RTCA: variants seen among roughly 807,000 people sequenced by gnomAD.
RTCA encodes the protein RNA terminal phosphate cyclase domain 1.
RTCA carries 37 observed loss-of-function variants against 46.1 expected under a neutral mutation model. That is an observed-to-expected ratio of 0.80 (90% CI 0.62 to 1.06). RTCA has a LOEUF of 1.06. RTCA is among the 50% of genes least tolerant of loss of function. The pLI is 0.00. For synonymous variants in RTCA, 164 were observed against 158.3 expected, an observed-to-expected ratio of 1.04 and a Z score of -0.27; for missense variants, 435 against 455.5, an observed-to-expected ratio of 0.95 and a Z score of 0.41.
At position 100,282,817 on chromosome 1, in the gene RTCA, A is replaced by G. The variant is rs149057729; in HGVS notation, c.800-2411A>G. 2.8e-4 allele frequency among the ~76,000 whole-genome samples: 43 copies of G among 152,278 alleles called. 1 individual carries two copies. Among genetic ancestry groups the G allele is most frequent in the South Asian group, 4.1e-4 (2 of 4,828 alleles). ...TAATGAATTTCAGGTTTGTTTATTT[A>G]TTTATTGAGATGGGAGTCTTACTCT... On this transcript the variant is annotated intron_variant, in intron 8 of 10. Coordinates refer to ENST00000370128, the MANE Select transcript of RTCA (RefSeq NM_003729.4).
intron 10 of RTCA, among the ~76,000 whole-genome samples, chr1:100,289,838 C>T (rs1335743217): frequency 1.3e-5 from 2 of 152,158 alleles, no homozygotes; most frequent in Admixed American, 6.5e-5. Context: ...TGTCTCAATG[C>T]AAATAGTTAT....
chr1:100,279,431 G>T (rs898462580), intron 8 of RTCA, among the ~76,000 whole-genome samples: 1 of 152,166 alleles, frequency 6.6e-6, no homozygotes, highest in African/African-American at 2.4e-5. Context: ...GTAAATAGAA[G>T]TTAGCTGGAT....
At chr1:100,290,169 C>A (rs987314077) in intron 10 of RTCA, among the ~76,000 whole-genome samples, 2 of 152,102 alleles carry the variant, frequency 1.3e-5, no homozygotes, top group African/African-American at 4.8e-5. Context: ...CAGTAAGGCC[C>A]CCAAGTGATG....
chr1:100,275,578 T>G (rs778595697), intron 6 of RTCA, 21 bp from the exon 7 acceptor site: 31 of 1,573,606 alleles, frequency 2.0e-5, no homozygotes, highest in Non-Finnish European at 2.4e-5. Context: ...TTTATTCTAT[T>G]TTTCTGTCTT....
intron 7 of RTCA, among the ~76,000 whole-genome samples, chr1:100,276,702 G>C (rs1666405081): frequency 1.3e-5 from 2 of 152,084 alleles, no homozygotes; most frequent in Admixed American, 6.6e-5. Context: ...GAACTATTAT[G>C]TTAATTCAGT....
rs766661407 is a variant in RTCA, at chr1:100,266,510, C to T, written c.46-14C>T. The T allele has an allele frequency of 1.6e-5, 26 of 1,612,140 alleles. No homozygotes were observed. Among genetic ancestry groups the T allele is most frequent in the East Asian group, 2.2e-5 (1 of 44,826 alleles). ...GTGCTTACTTCTCTTCTCCCTGTAC[C>T]CCAACCTTTGCAGGGCGGCCAGATC... On this transcript the variant is annotated splice_polypyrimidine_tract_variant and intron_variant, in intron 1 of 10. Coordinates refer to ENST00000370128, the MANE Select transcript of RTCA (RefSeq NM_003729.4).
chr1:100,275,635 A>C lies in RTCA; in HGVS notation c.652A>C (p.Ile218Leu). The change falls in exon 7 of 11, where the codon ATC becomes CTC. Residue 218 changes from isoleucine (I) to leucine (L), a missense_variant. Transcript: ENST00000370128. The stretch of plus-strand genomic sequence containing the variant: ...TATGGCAGCGGCAGCAGTTAGATGC[A>C]TCAGAAAGGAGATCCGGGATTTGTA... Reference protein sequence around the residue: ...KDMAAAAVRCIRKEIRDLYVN... With the variant: ...KDMAAAAVRCLRKEIRDLYVN... 1.2e-6 allele frequency: 2 copies of C among 1,612,340 alleles called. No individual in the cohort carries two copies. Among genetic ancestry groups the C allele is most frequent in the Non-Finnish European group, 1.7e-6 (2 of 1,179,136 alleles).
intron 4 of RTCA, among the ~76,000 whole-genome samples, chr1:100,271,615 T>G (rs1176498180): frequency 6.6e-6 from 1 of 152,180 alleles, no homozygotes; most frequent in African/African-American, 2.4e-5. Context: ...ATTTAAAAAA[T>G]GATTTAAAAA....
intron 8 of RTCA, among the ~76,000 whole-genome samples, chr1:100,281,757 C>T (rs936867085): frequency 2.6e-5 from 4 of 151,680 alleles, no homozygotes; most frequent in African/African-American, 7.3e-5. Flanking sequence ...TGCTTTGTCG[C>T]CCAGGCTAGA....
At chr1:100,288,936 C>T (rs1412057691) in intron 10 of RTCA, among the ~76,000 whole-genome samples, 2 of 152,014 alleles carry the variant, frequency 1.3e-5, no homozygotes, top group Non-Finnish European at 2.9e-5. Context: ...AATTCTCATG[C>T]CTCAGCCTCC....
intron 4 of RTCA, 91 bp from the exon 5 acceptor site, chr1:100,273,303 C>A (rs1259104425): frequency 7.8e-6 from 6 of 765,546 alleles, no homozygotes; most frequent in Non-Finnish European, 1.3e-5. Context: ...CACCCAGTTA[C>A]TAGCCAGCAA....
intron 2 of RTCA, chr1:100,267,504 G>T: frequency 6.5e-7 from 1 of 1,544,296 alleles, no homozygotes. Flanking sequence ...TCACAGTTCT[G>T]GAGGCTGGAA....
At chr1:100,288,439 C>T (rs1667150801) in intron 10 of RTCA, among the ~76,000 whole-genome samples, 2 of 152,090 alleles carry the variant, frequency 1.3e-5, no homozygotes, top group Non-Finnish European at 2.9e-5. Context: ...GAGACAGGGT[C>T]TCACACTGTT....
chr1:100,277,182 T>G, intron 7 of RTCA, 76 bp from the exon 8 acceptor site: 2 of 1,344,380 alleles, frequency 1.5e-6, no homozygotes, highest in Non-Finnish European at 2.1e-6. Context: ...TTAATAGTCA[T>G]TGTTCTCTTT....
chr1:100,266,276 A>G lies in RTCA; in HGVS notation c.-100A>G. ...GTCAGGCTCCTGCGCCCCAGGCATG[A>G]ACCAAGGTTTCTGAACTACTGGGCG... is the stretch of plus-strand genomic sequence containing the variant. On this transcript the variant is annotated 5_prime_UTR_variant, in exon 1 of 11. Transcript: ENST00000370128. 6.8e-7 allele frequency: 1 copy of G among 1,468,970 alleles called. No individual in the cohort carries two copies. The highest frequency in any genetic ancestry group is 9.3e-7 in the Non-Finnish European group (1 of 1,076,490). 91.0% of individuals were successfully genotyped at this position (1,468,970 alleles called of 1,614,324 possible). A position where few individuals can be genotyped will look rare whatever the true frequency, so the allele number is the denominator to read the frequency against.
At chr1:100,283,518 T>A (rs1331763225) in intron 8 of RTCA, among the ~76,000 whole-genome samples, 1 of 152,142 alleles carries the variant, frequency 6.6e-6, no homozygotes, top group Non-Finnish European at 1.5e-5. Context: ...GTCCCAAGCA[T>A]TTCAGATAAG....
chr1:100,280,172 A>G (rs530067047), intron 8 of RTCA, among the ~76,000 whole-genome samples: 1 of 152,340 alleles, frequency 6.6e-6, no homozygotes, highest in Non-Finnish European at 1.5e-5. Flanking sequence ...GGCAGTGTAA[A>G]GTATGACCTT....
In RTCA at chr1:100,274,900, A is replaced by G; in HGVS notation, c.550A>G (p.Thr184Ala). Residue 184 changes from threonine (T) to alanine (A), a missense_variant, in exon 6 of 11, where the codon ACT becomes GCT. Coordinates refer to ENST00000370128, the MANE Select transcript of RTCA (RefSeq NM_003729.4). ...PVKQLNPINLTERGCVTKIYG... is the reference protein window; with the variant it reads ...PVKQLNPINLAERGCVTKIYG... ...TAAACAATTGAACCCTATAAATTTA[A>G]CTGAGCGTGGCTGTGTGACTAAGAT... 6.2e-7 allele frequency: 1 copy of G among 1,613,714 alleles called. No individual in the cohort carries two copies. Among genetic ancestry groups the G allele is most frequent in the Non-Finnish European group, 8.5e-7 (1 of 1,179,702 alleles).
At chr1:100,288,532 C>G (rs997249489) in intron 10 of RTCA, among the ~76,000 whole-genome samples, 1 of 151,856 alleles carries the variant, frequency 6.6e-6, no homozygotes, top group African/African-American at 2.4e-5. Flanking sequence ...GCTGGGGCTA[C>G]GGGAGTGTGC....
Sources: gnomAD v4.1 joint callset for allele counts (sites outside exome capture counted in the v4.1 genomes callset) on GRCh38, gnomAD v4.1.1 for gene constraint, MANE v1.5 for transcripts, NCBI Gene and HGNC (gene_info 2026-07-23, HGNC 2026-07-21) for gene names.